The following NR3C2 variants were observed in gnomAD, a reference collection of about 807,000 sequenced individuals.
The protein encoded by NR3C2 is nuclear receptor subfamily 3 group C member 2.
NR3C2 carries 15 observed loss-of-function variants against 86.4 expected under a neutral mutation model. The observed-to-expected ratio is 0.17, with a 90% CI of 0.12 to 0.27. The LOEUF (loss-of-function observed/expected upper bound fraction) is 0.27, where lower values mean the gene tolerates loss of function less well. Ranked by LOEUF, NR3C2 falls within the 10% of genes least tolerant of loss-of-function variation. NR3C2 has a pLI of 1.00. For synonymous variants in NR3C2, 458 were observed against 450.5 expected (o/e 1.02, Z -0.21); for missense variants, 960 against 1,195.6 (o/e 0.80, Z 2.91).
chr4:148,087,755 A>G (rs758107488), intron 8 of NR3C2, among the ~76,000 whole-genome samples: 18 of 152,210 alleles, frequency 1.2e-4, no homozygotes, highest in Non-Finnish European at 2.2e-4. Context: ...TAAAACCATA[A>G]CAACCCCTAG....
chr4:148,405,607 C>T (rs1748381813), intron 2 of NR3C2, among the ~76,000 whole-genome samples: 1 of 152,220 alleles, frequency 6.6e-6, no homozygotes, highest in South Asian at 2.1e-4. Flanking sequence ...GGCCTATTTC[C>T]AGCCACGTTT....
At chr4:148,297,939 C>T (rs1452539258) in intron 2 of NR3C2, among the ~76,000 whole-genome samples, 3 of 150,530 alleles carry the variant, frequency 2.0e-5, no homozygotes, top group Non-Finnish European at 4.4e-5. Context: ...ATGGACAACA[C>T]AAAATGCTGG....
chr4:148,339,973 C>T (rs940267952), intron 2 of NR3C2, among the ~76,000 whole-genome samples: 9 of 151,818 alleles, frequency 5.9e-5, no homozygotes. Context: ...AAATTAAATT[C>T]CAAGGAATAA....
chr4:148,176,596 GC>G (rs1560961044), intron 4 of NR3C2, among the ~76,000 whole-genome samples: 1 of 152,148 alleles, frequency 6.6e-6, no homozygotes. Flanking sequence ...GGGGATTTGG[GC>G]CATTATCAAC....
intron 2 of NR3C2, among the ~76,000 whole-genome samples, chr4:148,313,159 T>C (rs1289058191): frequency 6.6e-6 from 1 of 152,156 alleles, no homozygotes; most frequent in East Asian, 1.9e-4. Context: ...CATCTGAGTA[T>C]TTAGAAAGTC....
chr4:148,122,537 G>C (rs1438359447), intron 6 of NR3C2, among the ~76,000 whole-genome samples: 7 of 152,082 alleles, frequency 4.6e-5, no homozygotes, highest in Non-Finnish European at 4.4e-5. Flanking sequence ...TGACAAGTTT[G>C]GATGTTCTCT....
Position 148,202,284 on chromosome 4 carries a change from G to T in NR3C2, c.1898-7422C>A, listed in dbSNP as rs142427029. On this transcript the variant is annotated intron_variant, in intron 3 of 8. Transcript: ENST00000358102. ...CTGCCCACCCTTGATCTTTTTTCCA[G>T]GGGGAGGAAGCTCCAAGATGCTACA... Among the ~76,000 whole-genome samples, 565 of 152,310 alleles carry T rather than the reference G, an allele frequency of 3.7e-3. 9 individuals are homozygous for T. The highest frequency in any genetic ancestry group is 0.013 in the African/African-American group (544 of 41,568).
At chr4:148,190,724 G>A (rs762727369) in intron 4 of NR3C2, among the ~76,000 whole-genome samples, 1 of 152,060 alleles carries the variant, frequency 6.6e-6, no homozygotes, top group Non-Finnish European at 1.5e-5. Context: ...CCACTGTTAC[G>A]TGCATATATG....
At chr4:148,109,625 G>C (rs969666555) in intron 8 of NR3C2, among the ~76,000 whole-genome samples, 1 of 152,136 alleles carries the variant, frequency 6.6e-6, no homozygotes, top group Non-Finnish European at 1.5e-5. Context: ...ACACATATGC[G>C]TACCATGTGG....
chr4:148,120,134 G>C lies in NR3C2; in HGVS notation c.2641+24C>G, dbSNP rs766006458. 3.1e-6 allele frequency: 5 copies of C among 1,613,766 alleles called. No individual in the cohort carries two copies. The South Asian group carries it at 5.5e-5, about 18-fold the overall frequency. On this transcript the variant is annotated intron_variant, in intron 7 of 8. Transcript: ENST00000358102. ...AAGATGATCTGGTAATATAGAAACAGTGCCAGAATGGGCATCAATTTACTT... is the reference window on the plus strand; with the variant it reads ...AAGATGATCTGGTAATATAGAAACACTGCCAGAATGGGCATCAATTTACTT...
chr4:148,085,150 C>G (rs1047089650), intron 8 of NR3C2, among the ~76,000 whole-genome samples: 2 of 152,128 alleles, frequency 1.3e-5, no homozygotes, highest in African/African-American at 2.4e-5. Flanking sequence ...CCAAGCAGAC[C>G]TAATAGACAT....
At chr4:148,157,570 G>T (rs1319384578) in intron 4 of NR3C2, among the ~76,000 whole-genome samples, 2 of 152,028 alleles carry the variant, frequency 1.3e-5, no homozygotes, top group African/African-American at 2.4e-5. Context: ...GGGAAGGTTG[G>T]GAGGTAGATG....
chr4:148,361,376 A>T (rs1216834428), intron 2 of NR3C2, among the ~76,000 whole-genome samples: 1 of 152,234 alleles, frequency 6.6e-6, no homozygotes, highest in Admixed American at 6.5e-5. Context: ...ATAATTTAAC[A>T]TTCTGTCAAT....
intron 6 of NR3C2, among the ~76,000 whole-genome samples, chr4:148,143,947 CAAAAAAAAAAAA>C (rs67177081): frequency 4.7e-5 from 3 of 64,436 alleles, no homozygotes; most frequent in South Asian, 9.4e-4. Context: ...AACTCTGTCT[CAAAAAAAAAAAA>C]AAAAAAAAAA....
chr4:148,321,784 G>A (rs992193810), intron 2 of NR3C2, among the ~76,000 whole-genome samples: 2 of 152,154 alleles, frequency 1.3e-5, no homozygotes, highest in African/African-American at 4.8e-5. Flanking sequence ...CTGCACATGA[G>A]ATGGGTTTCC....
At chr4:148,149,496 T>C (rs1560947052) in intron 6 of NR3C2, among the ~76,000 whole-genome samples, 1 of 152,116 alleles carries the variant, frequency 6.6e-6, no homozygotes, top group Non-Finnish European at 1.5e-5. Context: ...ACTCAGATAT[T>C]TACAAACAAT....
intron 2 of NR3C2, among the ~76,000 whole-genome samples, chr4:148,290,257 T>C (rs972468501): frequency 1.3e-5 from 2 of 151,974 alleles, no homozygotes; most frequent in African/African-American, 4.8e-5. Context: ...TAGATTAGGG[T>C]TCAGCCTAAC....
intron 6 of NR3C2, among the ~76,000 whole-genome samples, chr4:148,137,275 T>C (rs1409369385): frequency 6.6e-6 from 1 of 152,172 alleles, no homozygotes; most frequent in Non-Finnish European, 1.5e-5. Context: ...CAGCACGCAC[T>C]GTGAGGGGAG....
chr4:148,259,598 T>C (rs989919919), intron 3 of NR3C2, among the ~76,000 whole-genome samples: 10 of 152,314 alleles, frequency 6.6e-5, no homozygotes, highest in Admixed American at 4.6e-4. Flanking sequence ...CACAAACACA[T>C]ATTTATACAG....
Sources: allele counts gnomAD v4.1 joint callset (sites outside exome capture counted in the v4.1 genomes callset), GRCh38; gene constraint gnomAD v4.1.1; transcripts MANE v1.5; gene names NCBI Gene and HGNC (gene_info 2026-07-23, HGNC 2026-07-21).